Variants in PXDNL observed in about 807,000 individuals in gnomAD.
PXDNL encodes the protein probable oxidoreductase PXDNL.
A neutral mutation model predicts 150.8 loss-of-function variants in PXDNL; 145 were observed. The observed-to-expected ratio is 0.96, with a 90% CI of 0.84 to 1.10. The LOEUF is 1.10. Among genes scored for constraint, PXDNL ranks in the 50% least tolerant of loss-of-function variants. The pLI is 0.00. For synonymous variants in PXDNL, 757 were observed against 725.7 expected, an observed-to-expected ratio of 1.04 and a Z score of -0.69; for missense variants, 2,087 against 1,873.9, an observed-to-expected ratio of 1.11 and a Z score of -2.10.
intron 19 of PXDNL, among the ~76,000 whole-genome samples, chr8:51,365,521 C>A (rs1806888663): frequency 6.6e-6 from 1 of 152,192 alleles, no homozygotes; most frequent in African/African-American, 2.4e-5. Context: ...GGAGCATACT[C>A]CAAGCTCTTG....
chr8:51,672,178 A>C (rs116867275), intron 1 of PXDNL, among the ~76,000 whole-genome samples: 1,588 of 152,160 alleles, frequency 0.01, 22 homozygotes, highest in Middle Eastern at 0.024. Context: ...GACAGGTTTC[A>C]CCATGTTGGC....
chr8:51,734,134 AAGATCAAT>A (rs1039502382), intron 1 of PXDNL, among the ~76,000 whole-genome samples: 4 of 152,034 alleles, frequency 2.6e-5, no homozygotes, highest in Non-Finnish European at 5.9e-5. Context: ...GGAGCTTTGA[AAGATCAAT>A]AGCATAGCAC....
intron 2 of PXDNL, among the ~76,000 whole-genome samples, chr8:51,644,427 C>T (rs1156961591): frequency 7.2e-5 from 9 of 124,446 alleles, no homozygotes; most frequent in Non-Finnish European, 1.5e-4. Flanking sequence ...TATATATACA[C>T]ATATGTGTGT....
At chr8:51,754,468 G>A (rs983722825) in intron 1 of PXDNL, among the ~76,000 whole-genome samples, 1 of 152,006 alleles carries the variant, frequency 6.6e-6, no homozygotes, top group African/African-American at 2.4e-5. Flanking sequence ...AGGCTTCCCT[G>A]AGAATGAGCT....
chr8:51,418,857 T>G (rs1359298852), intron 14 of PXDNL, among the ~76,000 whole-genome samples: 1 of 152,180 alleles, frequency 6.6e-6, no homozygotes, highest in Non-Finnish European at 1.5e-5. Context: ...GGAAAGTTAT[T>G]TCCAAACCTA....
chr8:51,336,273 A>G (rs914524849), intron 21 of PXDNL, among the ~76,000 whole-genome samples: 44 of 152,214 alleles, frequency 2.9e-4, no homozygotes, highest in African/African-American at 9.6e-4. Flanking sequence ...GATTTTTCAC[A>G]AAACAAAGGG....
chr8:51,422,523 G>A (rs928594222), intron 14 of PXDNL, among the ~76,000 whole-genome samples: 2 of 152,186 alleles, frequency 1.3e-5, no homozygotes, highest in Admixed American at 1.3e-4. Context: ...AGTGAGGCCT[G>A]TGTTATGAAA....
At chr8:51,364,140 A>C (rs1806839106) in intron 19 of PXDNL, among the ~76,000 whole-genome samples, 5 of 152,226 alleles carry the variant, frequency 3.3e-5, no homozygotes, top group Admixed American at 3.3e-4. Context: ...TAAATGCTGC[A>C]AAGCCTTAAT....
chr8:51,736,338 G>A (rs1817037878), intron 1 of PXDNL, among the ~76,000 whole-genome samples: 1 of 152,122 alleles, frequency 6.6e-6, no homozygotes, highest in Non-Finnish European at 1.5e-5. Flanking sequence ...ATCAGGCCCA[G>A]AGAGGCATTT....
At chr8:51,633,850 A>G (rs1814544045) in intron 2 of PXDNL, among the ~76,000 whole-genome samples, 1 of 151,928 alleles carries the variant, frequency 6.6e-6, no homozygotes, top group Non-Finnish European at 1.5e-5. Flanking sequence ...GGCTTCTTTA[A>G]TTGTTTAAGT....
chr8:51,465,996 T>G (rs1810196837), intron 8 of PXDNL, among the ~76,000 whole-genome samples: 1 of 152,016 alleles, frequency 6.6e-6, no homozygotes, highest in Non-Finnish European at 1.5e-5. Flanking sequence ...AATTCAATGC[T>G]ATTCCTATCA....
At chr8:51,639,046 C>T (rs943344981) in intron 2 of PXDNL, among the ~76,000 whole-genome samples, 4 of 152,198 alleles carry the variant, frequency 2.6e-5, no homozygotes, top group African/African-American at 9.7e-5. Flanking sequence ...GATTAAGAAA[C>T]TCGCTCAAAA....
At chr8:51,494,378 A>AC (rs1810986840) in intron 5 of PXDNL, among the ~76,000 whole-genome samples, 2 of 152,098 alleles carry the variant, frequency 1.3e-5, no homozygotes. Flanking sequence ...CCAACTAATG[A>AC]GAAAATAACC....
At chr8:51,418,040 C>T (rs1053883021) in intron 14 of PXDNL, among the ~76,000 whole-genome samples, 2 of 152,138 alleles carry the variant, frequency 1.3e-5, no homozygotes, top group African/African-American at 4.8e-5. Flanking sequence ...GCTACTTACA[C>T]ATATTAAAAT....
Position 51,447,094 on chromosome 8 carries a change from C to G in PXDNL, c.1435G>C (p.Ala479Pro). Residue 479 changes from alanine to proline, a missense_variant, in exon 12 of 23, where the codon GCA becomes CCA. Transcript: ENST00000356297. ...SSGTLRIDRA[A>P]QHDQGQYECQ... ...TCATATTGGCCTTGATCGTGCTGTG[C>G]TGCACGGTCAATTCTCAAAGTGCCA... The G allele has an allele frequency of 1.2e-6, 2 of 1,613,994 alleles. No homozygotes were observed. Among genetic ancestry groups the G allele is most frequent in the Middle Eastern group, 1.7e-4 (1 of 6,060 alleles).
intron 14 of PXDNL, among the ~76,000 whole-genome samples, chr8:51,417,488 C>A (rs1229347923): frequency 6.6e-6 from 1 of 152,110 alleles, no homozygotes; most frequent in Non-Finnish European, 1.5e-5. Flanking sequence ...GGGACTGGAC[C>A]TAGAGATGGG....
intron 12 of PXDNL, among the ~76,000 whole-genome samples, chr8:51,445,827 G>A (rs1452430071): frequency 6.6e-6 from 1 of 152,148 alleles, no homozygotes; most frequent in African/African-American, 2.4e-5. Flanking sequence ...CTGCAGACAA[G>A]CTTTTGGTAT....
chr8:51,713,996 A>G (rs1450306378), intron 1 of PXDNL, among the ~76,000 whole-genome samples: 1 of 152,208 alleles, frequency 6.6e-6, no homozygotes, highest in Admixed American at 6.5e-5. Flanking sequence ...GAGTTTTCAA[A>G]TGAAGAAAAT....
intron 1 of PXDNL, among the ~76,000 whole-genome samples, chr8:51,774,629 TAACAC>T (rs1282800070): frequency 1.3e-5 from 2 of 151,904 alleles, no homozygotes; most frequent in East Asian, 3.9e-4. Flanking sequence ...CCATCCTGGG[TAACAC>T]AGTGAAACCC....
Sources: allele counts gnomAD v4.1 joint callset (sites outside exome capture counted in the v4.1 genomes callset), GRCh38; gene constraint gnomAD v4.1.1; transcripts MANE v1.5; gene names NCBI Gene and HGNC (gene_info 2026-07-23, HGNC 2026-07-21).